The following CCSER1 variants were observed in gnomAD, a reference collection of about 807,000 sequenced individuals.
CCSER1 encodes serine-rich coiled-coil domain-containing protein 1.
CCSER1 carries 41 observed loss-of-function variants against 82.0 expected under a neutral mutation model. That is an observed-to-expected ratio of 0.50 (90% confidence interval 0.39 to 0.65). The LOEUF is 0.65. Ranked by LOEUF, CCSER1 falls within the 30% of genes least tolerant of loss-of-function variation. The pLI, the probability that CCSER1 is intolerant of heterozygous loss-of-function variation, is 0.00. For synonymous variants in CCSER1, 414 were observed against 383.9 expected, an observed-to-expected ratio of 1.08 and a Z score of -0.92; for missense variants, 1,119 against 1,064.2, an observed-to-expected ratio of 1.05 and a Z score of -0.72.
At chr4:91,225,483 A>G (rs904525032) in intron 10 of CCSER1, among the ~76,000 whole-genome samples, 3 of 149,554 alleles carry the variant, frequency 2.0e-5, no homozygotes, top group Non-Finnish European at 3.0e-5. Flanking sequence ...TGATGGATAG[A>G]TACCTACATA....
intron 7 of CCSER1, among the ~76,000 whole-genome samples, chr4:90,765,664 A>G (rs770729393): frequency 6.6e-6 from 1 of 152,116 alleles, no homozygotes; most frequent in Non-Finnish European, 1.5e-5. Context: ...CAATTAAGCT[A>G]TGGTTTCTTT....
At chr4:91,133,768 C>A (rs1728208885) in intron 10 of CCSER1, among the ~76,000 whole-genome samples, 1 of 152,022 alleles carries the variant, frequency 6.6e-6, no homozygotes, top group African/African-American at 2.4e-5. Flanking sequence ...AGGGATGGGG[C>A]AATGAAAGTT....
intron 10 of CCSER1, among the ~76,000 whole-genome samples, chr4:91,253,004 G>A (rs1172411858): frequency 1.3e-5 from 2 of 151,720 alleles, no homozygotes; most frequent in Non-Finnish European, 2.9e-5. Context: ...GGAGAGATTG[G>A]CAGAATGGAC....
At chr4:91,305,494 G>A (rs1744985899) in intron 10 of CCSER1, among the ~76,000 whole-genome samples, 1 of 151,992 alleles carries the variant, frequency 6.6e-6, no homozygotes, top group Non-Finnish European at 1.5e-5. Flanking sequence ...ACATTACATA[G>A]GAAAGGCTAT....
At chr4:91,186,378 C>T (rs531186788) in intron 10 of CCSER1, among the ~76,000 whole-genome samples, 1 of 152,266 alleles carries the variant, frequency 6.6e-6, no homozygotes, top group Admixed American at 6.5e-5. Context: ...TAACCTGATG[C>T]TTCCGAGCTC....
At chr4:90,888,988 A>C (rs1722562319) in intron 8 of CCSER1, among the ~76,000 whole-genome samples, 1 of 152,194 alleles carries the variant, frequency 6.6e-6, no homozygotes, top group African/African-American at 2.4e-5. Flanking sequence ...TCACATAGCA[A>C]TGTCATAGTT....
intron 10 of CCSER1, among the ~76,000 whole-genome samples, chr4:91,272,433 T>G (rs1742107249): frequency 6.6e-6 from 1 of 152,210 alleles, no homozygotes; most frequent in Non-Finnish European, 1.5e-5. Context: ...TTAGCCCACT[T>G]TTTGATGGAA....
At chr4:91,588,799 TTG>T (rs1287265945) in intron 10 of CCSER1, among the ~76,000 whole-genome samples, 1 of 151,818 alleles carries the variant, frequency 6.6e-6, no homozygotes, top group Admixed American at 6.6e-5. Context: ...CAACCCAGAA[TTG>T]TGCATGTTGC....
intron 5 of CCSER1, among the ~76,000 whole-genome samples, chr4:90,471,709 CT>C (rs752288975): frequency 6.6e-6 from 1 of 151,504 alleles, no homozygotes; most frequent in Non-Finnish European, 1.5e-5. Context: ...GACGTGGTGA[CT>C]CACACCTGTA....
intron 7 of CCSER1, among the ~76,000 whole-genome samples, chr4:90,756,534 A>G (rs929886750): frequency 6.6e-6 from 1 of 152,184 alleles, no homozygotes; most frequent in African/African-American, 2.4e-5. Context: ...TAAGCTCACT[A>G]TAGATTTGTG....
chr4:91,507,400 GC>G (rs1167244388), intron 10 of CCSER1, among the ~76,000 whole-genome samples: 3 of 151,928 alleles, frequency 2.0e-5, no homozygotes, highest in Non-Finnish European at 4.4e-5. Flanking sequence ...TCTTTCATAT[GC>G]TTTTGACCAT....
chr4:91,246,827 TACACAC>T (rs34278711), intron 10 of CCSER1, among the ~76,000 whole-genome samples: 8 of 144,082 alleles, frequency 5.6e-5, no homozygotes, highest in African/African-American at 1.0e-4. Context: ...CATACACACA[TACACAC>T]ACACACACAC....
At chr4:90,343,627 C>T (rs949785743) in intron 3 of CCSER1, among the ~76,000 whole-genome samples, 8 of 152,016 alleles carry the variant, frequency 5.3e-5, no homozygotes, top group South Asian at 2.1e-4. Flanking sequence ...AAAAACAAAA[C>T]GAAACAAAAC....
chr4:90,997,030 G>T lies in CCSER1; in HGVS notation c.2172+73583G>T, dbSNP rs150468980. Among the ~76,000 whole-genome samples the T allele has an allele frequency of 8.6e-3, 1,303 of 152,216 alleles. 28 individuals are homozygous for T. Among genetic ancestry groups the T allele is most frequent in the African/African-American group, 0.03 (1,247 of 41,536 alleles). On this transcript the variant is annotated intron_variant, in intron 9 of 10. Transcript: ENST00000509176. ...GTAAATACCCAAGAATACAATTGCT[G>T]GACTCTATGGTGTATTCACTTCCTG...
intron 10 of CCSER1, chr4:91,319,713 AGGTTTCTATAGCACT>A (rs1268749776): frequency 2.2e-6 from 1 of 455,762 alleles, no homozygotes; most frequent in African/African-American, 2.0e-5. Flanking sequence ...TGTGTCCCTC[AGGTTTCTATAGCACT>A]GGGAGGCAGA....
rs78158114 is a variant in CCSER1 at position 90,281,002 on chromosome 4, A to G, written c.-41-27242A>G. On this transcript the variant is annotated intron_variant, in intron 1 of 10. Transcript: ENST00000509176. ...CATTTGAAATCATACTGACATTTTC[A>G]TACATCCATACTATTTTCCAACTTC... Among the ~76,000 whole-genome samples, 373 of 152,174 alleles carry G rather than the reference A, an allele frequency of 2.5e-3. 1 individual carries two copies. The highest frequency in any genetic ancestry group is 8.3e-3 in the African/African-American group (343 of 41,570).
chr4:90,899,596 T>C (rs1015407167), intron 8 of CCSER1, among the ~76,000 whole-genome samples: 1 of 152,112 alleles, frequency 6.6e-6, no homozygotes, highest in Non-Finnish European at 1.5e-5. Context: ...TTGTGATATA[T>C]GGATCTTATT....
At chr4:90,988,360 A>AT (rs1561449165) in intron 9 of CCSER1, among the ~76,000 whole-genome samples, 3 of 142,824 alleles carry the variant, frequency 2.1e-5, no homozygotes, top group African/African-American at 8.0e-5. Flanking sequence ...AAAAAAAAAA[A>AT]AAAGAAAGAA....
chr4:91,315,909 C>T (rs1355380490), intron 10 of CCSER1, among the ~76,000 whole-genome samples: 2 of 151,920 alleles, frequency 1.3e-5, no homozygotes, highest in East Asian at 3.9e-4. Flanking sequence ...TCCCCACCCA[C>T]ATCTCATCTT....
Sources: allele counts gnomAD v4.1 joint callset (sites outside exome capture counted in the v4.1 genomes callset), GRCh38; gene constraint gnomAD v4.1.1; transcripts MANE v1.5; gene names NCBI Gene and HGNC (gene_info 2026-07-23, HGNC 2026-07-21).